The following CDH13 variants were observed in gnomAD, a reference collection of about 807,000 sequenced individuals.
The protein encoded by CDH13 is cadherin-13.
Under a neutral mutation model 63.8 loss-of-function variants are expected in CDH13, and 24 were observed. The ratio of observed to expected loss-of-function variants is 0.38; its 90% CI spans 0.27 to 0.53. The LOEUF (loss-of-function observed/expected upper bound fraction) is 0.53, where lower values mean the gene tolerates loss of function less well. Among genes scored for constraint, CDH13 ranks in the 20% least tolerant of loss-of-function variants. The pLI, the probability that CDH13 is intolerant of heterozygous loss-of-function variation, is 0.85. For synonymous variants in CDH13, 503 were observed against 355.3 expected (o/e 1.42, Z -4.67); for missense variants, 1,049 against 903.1 (o/e 1.16, Z -2.07).
At chr16:83,518,181 C>T (rs977074092) in intron 7 of CDH13, among the ~76,000 whole-genome samples, 1 of 151,984 alleles carries the variant, frequency 6.6e-6, no homozygotes, top group South Asian at 2.1e-4. Context: ...GTCTTGTTCT[C>T]TCACCCAGGC....
chr16:82,932,601 C>T (rs997554533), intron 2 of CDH13, among the ~76,000 whole-genome samples: 1 of 152,142 alleles, frequency 6.6e-6, no homozygotes, highest in African/African-American at 2.4e-5. Flanking sequence ...AGATCAGGTA[C>T]ATAAACTTTA....
At chr16:82,977,535 C>T (rs1450052027) in intron 2 of CDH13, among the ~76,000 whole-genome samples, 1 of 152,118 alleles carries the variant, frequency 6.6e-6, no homozygotes, top group African/African-American at 2.4e-5. Flanking sequence ...TGGCACTTCC[C>T]CTTGCTGCCA....
chr16:83,602,735 G>C (rs1907968874), intron 8 of CDH13, 141 bp downstream of exon 8: 3 of 880,832 alleles, frequency 3.4e-6, no homozygotes, highest in East Asian at 4.9e-5. Context: ...ATGGTGTTTT[G>C]CTGGAATTCT....
intron 4 of CDH13, among the ~76,000 whole-genome samples, chr16:83,145,649 G>A (rs570707169): frequency 7.2e-5 from 11 of 152,232 alleles, no homozygotes; most frequent in South Asian, 2.1e-4. Flanking sequence ...TCTATAGATC[G>A]AAGGAATTAT....
chr16:83,325,441 G>C (rs2090338609), intron 5 of CDH13, among the ~76,000 whole-genome samples: 1 of 152,122 alleles, frequency 6.6e-6, no homozygotes, highest in East Asian at 1.9e-4. Flanking sequence ...ATATGGGTTG[G>C]AAAACGTTTT....
chr16:83,354,281 G>A (rs1379510986), intron 6 of CDH13, among the ~76,000 whole-genome samples: 1 of 152,238 alleles, frequency 6.6e-6, no homozygotes, highest in East Asian at 1.9e-4. Flanking sequence ...CACTGCAGCT[G>A]AGTAAAACAG....
chr16:82,884,163 G>C (rs929847), intron 2 of CDH13: 339,837 of 454,680 alleles, frequency 0.75, 127,939 homozygotes, highest in East Asian at 0.89. Context: ...TCCTTATGCT[G>C]TTTCTTTCCA....
At chr16:83,738,892 G>A (rs1911791129) in intron 10 of CDH13, among the ~76,000 whole-genome samples, 1 of 152,132 alleles carries the variant, frequency 6.6e-6, no homozygotes, top group African/African-American at 2.4e-5. Context: ...GGCAACAAAG[G>A]GAGACTCCGT....
At chr16:82,882,233 C>T (rs1283346525) in intron 2 of CDH13, among the ~76,000 whole-genome samples, 5 of 152,242 alleles carry the variant, frequency 3.3e-5, no homozygotes, top group Admixed American at 6.5e-5. Flanking sequence ...TAATAATAAG[C>T]ATTAATCTCC....
intron 2 of CDH13, among the ~76,000 whole-genome samples, chr16:82,908,758 C>G (rs1166616946): frequency 6.6e-6 from 1 of 152,132 alleles, no homozygotes; most frequent in Non-Finnish European, 1.5e-5. Context: ...TGCAGATACT[C>G]AAGTCTCTTT....
intron 3 of CDH13, among the ~76,000 whole-genome samples, chr16:83,091,537 A>G (rs1419454332): frequency 6.6e-6 from 1 of 152,226 alleles, no homozygotes. Flanking sequence ...TGGGGAGGGT[A>G]CTGAAATGAG....
At chr16:83,391,628 A>C (rs147617851) in intron 6 of CDH13, among the ~76,000 whole-genome samples, 1 of 152,314 alleles carries the variant, frequency 6.6e-6, no homozygotes, top group African/African-American at 2.4e-5. Context: ...GGAAAACATA[A>C]TGAAGTGGTC....
chr16:83,542,682 C>G (rs1258698749), intron 7 of CDH13, among the ~76,000 whole-genome samples: 1 of 152,200 alleles, frequency 6.6e-6, no homozygotes, highest in Non-Finnish European at 1.5e-5. Context: ...TTGCCAGCAA[C>G]CCTTGGAGCT....
chr16:82,962,254 G>A (rs1471284701), intron 2 of CDH13, among the ~76,000 whole-genome samples: 1 of 152,188 alleles, frequency 6.6e-6, no homozygotes, highest in Non-Finnish European at 1.5e-5. Context: ...TAACCATAGA[G>A]GCAGAAATTA....
chr16:83,250,509 C>G (rs928909079), intron 5 of CDH13, among the ~76,000 whole-genome samples: 4 of 152,104 alleles, frequency 2.6e-5, no homozygotes, highest in African/African-American at 7.2e-5. Flanking sequence ...ACAGAGCTGA[C>G]AAGGTGTTTG....
Position 83,649,690 on chromosome 16 carries a change from G to T in CDH13, c.1102-21100G>T, listed in dbSNP as rs138687154. ...GGAGGCAAGAAAGAGGCAAAGGGAG[G>T]GGGCCTGTGGGTTTCCAGGTTGGGG... On this transcript the variant is annotated intron_variant, in intron 8 of 13. Coordinates refer to ENST00000567109, the MANE Select transcript of CDH13 (RefSeq NM_001257.5). Among the ~76,000 whole-genome samples the T allele has an allele frequency of 3.3e-3, 496 of 152,260 alleles. 1 individual carries two copies. Among genetic ancestry groups the T allele is most frequent in the Non-Finnish European group, 5.3e-3 (363 of 68,020 alleles).
At chr16:83,393,507 G>A (rs79325360) in intron 6 of CDH13, among the ~76,000 whole-genome samples, 16,590 of 152,194 alleles carry the variant, frequency 0.11, 1,163 homozygotes, top group Non-Finnish European at 0.16. Context: ...CATCTTTACT[G>A]ACGTGCCATG....
chr16:83,073,022 C>G (rs768323947), intron 3 of CDH13, among the ~76,000 whole-genome samples: 12 of 152,150 alleles, frequency 7.9e-5, no homozygotes, highest in Non-Finnish European at 1.3e-4. Context: ...CAAATGGTAA[C>G]GATGTGAAGG....
chr16:83,014,577 T>C (rs974498973), intron 2 of CDH13, among the ~76,000 whole-genome samples: 2 of 149,780 alleles, frequency 1.3e-5, no homozygotes, highest in African/African-American at 4.9e-5. Flanking sequence ...CTACTAAAAA[T>C]AAAAAATTAG....
Sources: allele counts gnomAD v4.1 joint callset (sites outside exome capture counted in the v4.1 genomes callset), GRCh38; gene constraint gnomAD v4.1.1; transcripts MANE v1.5; gene names NCBI Gene and HGNC (gene_info 2026-07-23, HGNC 2026-07-21).